The following RPH3A variants were observed in gnomAD, a reference collection of about 807,000 sequenced individuals.
RPH3A encodes rabphilin 3A, also known as rabphilin-3A.
Under a neutral mutation model 102.2 loss-of-function variants are expected in RPH3A, and 48 were observed. The ratio of observed to expected loss-of-function variants is 0.47; its 90% CI spans 0.37 to 0.60. The LOEUF is 0.60. Ranked by LOEUF, RPH3A falls within the 20% of genes least tolerant of loss-of-function variation. The pLI is 0.00. For synonymous variants in RPH3A, 310 were observed against 324.3 expected (o/e 0.96, Z 0.47); for missense variants, 781 against 910.1 (o/e 0.86, Z 1.83).
At chr12:112,882,144 G>A (rs1481340153) in intron 15 of RPH3A, among the ~76,000 whole-genome samples, 4 of 152,078 alleles carry the variant, frequency 2.6e-5, no homozygotes, top group African/African-American at 9.7e-5. Flanking sequence ...ACCTTCAGCG[G>A]CTCTCCCACT....
chr12:112,658,160 A>G (rs78999531), intron 1 of RPH3A, among the ~76,000 whole-genome samples: 1,907 of 152,166 alleles, frequency 0.013, 38 homozygotes, highest in African/African-American at 0.043. Context: ...CTTATTTTAT[A>G]TATGTATTTT....
At chr12:112,879,973 T>A (rs1262197344) in intron 14 of RPH3A, among the ~76,000 whole-genome samples, 1 of 152,188 alleles carries the variant, frequency 6.6e-6, no homozygotes, top group African/African-American at 2.4e-5. Flanking sequence ...ATAAGGATAG[T>A]TGTGCGCACA....
At chr12:112,638,977 A>G (rs1226247418) in intron 1 of RPH3A, among the ~76,000 whole-genome samples, 1 of 152,126 alleles carries the variant, frequency 6.6e-6, no homozygotes, top group African/African-American at 2.4e-5. Context: ...CATTGGTTTT[A>G]GGGAGATCAG....
intron 1 of RPH3A, among the ~76,000 whole-genome samples, chr12:112,682,522 A>C (rs2040234790): frequency 6.6e-6 from 1 of 152,120 alleles, no homozygotes; most frequent in Admixed American, 6.5e-5. Flanking sequence ...TAACCCAGTC[A>C]AGTTAACACA....
chr12:112,681,825 C>G (rs1038625077), intron 1 of RPH3A, among the ~76,000 whole-genome samples: 1 of 152,218 alleles, frequency 6.6e-6, no homozygotes, highest in Non-Finnish European at 1.5e-5. Flanking sequence ...AAACACAAAT[C>G]TGTTGGTGCT....
chr12:112,702,879 C>T (rs556413802), intron 1 of RPH3A, among the ~76,000 whole-genome samples: 14 of 152,330 alleles, frequency 9.2e-5, no homozygotes, highest in African/African-American at 2.9e-4. Flanking sequence ...TGGCTTAGCA[C>T]GGTGTGGTGG....
chr12:112,870,329 A>AC (rs1555218820), intron 10 of RPH3A, among the ~76,000 whole-genome samples: 7 of 149,260 alleles, frequency 4.7e-5, no homozygotes, highest in African/African-American at 1.2e-4. Flanking sequence ...AAAAAAAAAA[A>AC]CCCTGGGGGA....
intron 3 of RPH3A, among the ~76,000 whole-genome samples, chr12:112,830,733 T>C (rs1480657440): frequency 6.6e-6 from 1 of 152,144 alleles, no homozygotes; most frequent in Non-Finnish European, 1.5e-5. Context: ...TTATCTCTAA[T>C]AATGATTTTT....
chr12:112,832,860 G>A lies in RPH3A; in HGVS notation c.72-3631G>A, dbSNP rs181767316. Among the ~76,000 whole-genome samples the A allele has an allele frequency of 3.6e-3, 550 of 150,966 alleles. 1 individual carries two copies. The highest frequency in any genetic ancestry group is 0.014 in the Middle Eastern group (4 of 288). On this transcript the variant is annotated intron_variant, in intron 3 of 21. Coordinates refer to ENST00000389385, the MANE Select transcript of RPH3A (RefSeq NM_001143854.2). Reference sequence around the variant, plus strand: ...CCTTTCTCTGAAATGAATAAATAAAGTTATATTTATAGTTAAATGATATTA... The same window carrying A: ...CCTTTCTCTGAAATGAATAAATAAAATTATATTTATAGTTAAATGATATTA...
chr12:112,643,398 G>A (rs1034581262), intron 1 of RPH3A, among the ~76,000 whole-genome samples: 6 of 152,184 alleles, frequency 3.9e-5, no homozygotes, highest in African/African-American at 1.2e-4. Context: ...ATCAAGATTA[G>A]GTAAATGCTA....
chr12:112,759,110 C>T (rs3803063), intron 1 of RPH3A, among the ~76,000 whole-genome samples: 118,213 of 151,760 alleles, frequency 0.78, 47,058 homozygotes, highest in African/African-American at 0.94. Context: ...TGTGTGATTG[C>T]GGTCACTGCC....
At chr12:112,803,504 T>C (rs1305458081) in intron 2 of RPH3A, among the ~76,000 whole-genome samples, 1 of 151,310 alleles carries the variant, frequency 6.6e-6, no homozygotes, top group Non-Finnish European at 1.5e-5. Flanking sequence ...ATTATTATTA[T>C]TATTATTACA....
At chr12:112,776,088 C>A (rs1379397334) in intron 1 of RPH3A, among the ~76,000 whole-genome samples, 3 of 152,148 alleles carry the variant, frequency 2.0e-5, no homozygotes, top group African/African-American at 7.2e-5. Context: ...TCTGGTATAG[C>A]TTATTGGTCA....
intron 1 of RPH3A, among the ~76,000 whole-genome samples, chr12:112,606,120 A>G (rs35730640): frequency 0.021 from 3,183 of 152,136 alleles, 50 homozygotes; most frequent in Non-Finnish European, 0.029. Context: ...TCCCTTCCAC[A>G]AGCTGTGACT....
At chr12:112,855,779 G>A (rs1428586454) in intron 5 of RPH3A, among the ~76,000 whole-genome samples, 1 of 152,284 alleles carries the variant, frequency 6.6e-6, no homozygotes, top group East Asian at 1.9e-4. Flanking sequence ...TTCAGAAAGT[G>A]CCAACTTTAA....
chr12:112,614,819 T>G (rs2039666387), intron 1 of RPH3A, among the ~76,000 whole-genome samples: 2 of 152,038 alleles, frequency 1.3e-5, no homozygotes, highest in Admixed American at 1.3e-4. Flanking sequence ...GAGTCTTGCT[T>G]TGTCTCCCAG....
chr12:112,628,568 C>CAAAAAA lies in RPH3A; in HGVS notation c.-140+53286_-140+53291dup, dbSNP rs771688201. Among the ~76,000 whole-genome samples the CAAAAAA allele has an allele frequency of 2.2e-4, 6 of 27,048 alleles. 1 individual carries two copies. Among genetic ancestry groups the CAAAAAA allele is most frequent in the Non-Finnish European group, 2.6e-4 (4 of 15,236 alleles). 17.7% of individuals were successfully genotyped at this position (27,048 alleles called of 152,430 possible). ...AACATTGCAAGGCCTGTCTTTACCACAAAAAAAAAAAAAAAAAAAAAAAAA... is the reference window on the plus strand; with the variant it reads ...AACATTGCAAGGCCTGTCTTTACCACAAAAAAAAAAAAAAAAAAAAAAAAAAAAAAA... On this transcript the variant is annotated intron_variant, in intron 1 of 21. Transcript: ENST00000543106.
chr12:112,767,763 G>GGGGCATATTATTC (rs1416687104), intron 1 of RPH3A, among the ~76,000 whole-genome samples: 2 of 152,126 alleles, frequency 1.3e-5, no homozygotes, highest in African/African-American at 2.4e-5. Flanking sequence ...TTAAGAAGAT[G>GGGGCATATTATTC]GGGCATATTA....
Position 112,738,762 on chromosome 12 carries a change from G to A in RPH3A, c.-139-53381G>A, listed in dbSNP as rs569797665. 4.6e-5 allele frequency among the ~76,000 whole-genome samples: 7 copies of A among 152,270 alleles called. No homozygotes were observed. In the East Asian group the frequency reaches 1.2e-3, roughly 25 times the overall value. ...AGCAGAGCAGTTCAGCCAACTCCAT[G>A]CTGAACTTGTGCCCATATCATACAT... On this transcript the variant is annotated intron_variant, in intron 1 of 21. Coordinates refer to the RPH3A transcript ENST00000543106.
Sources: gnomAD v4.1 joint callset for allele counts (sites outside exome capture counted in the v4.1 genomes callset) on GRCh38, gnomAD v4.1.1 for gene constraint, MANE v1.5 for transcripts, NCBI Gene and HGNC (gene_info 2026-07-23, HGNC 2026-07-21) for gene names.